The following ISM1 variants were observed in gnomAD, a reference collection of about 807,000 sequenced individuals.
ISM1 encodes isthmin 1, also known as isthmin-1.
A neutral mutation model predicts 46.3 loss-of-function variants in ISM1; 25 were observed. The ratio of observed to expected loss-of-function variants is 0.54; its 90% CI spans 0.39 to 0.75. The LOEUF is 0.75. ISM1 is among the 30% of genes least tolerant of loss of function. ISM1 has a pLI of 0.00. For synonymous variants in ISM1, 255 were observed against 256.7 expected (o/e 0.99, Z 0.06); for missense variants, 536 against 625.4 (o/e 0.86, Z 1.52).
chr20:13,304,405 T>C (rs2040483543), downstream of ISM1, among the ~76,000 whole-genome samples: 1 of 152,208 alleles, frequency 6.6e-6, no homozygotes, highest in African/African-American at 2.4e-5. Flanking sequence ...CATTGTACTA[T>C]AGTGCTAAGC....
At chr20:13,316,418 G>A in the ISM1 span, among the ~76,000 whole-genome samples, 1 of 151,854 alleles carries the variant, frequency 6.6e-6, no homozygotes, top group Non-Finnish European at 1.5e-5. Flanking sequence ...TAGAAGTAGA[G>A]GGAATTATTA....
intron 1 of ISM1, among the ~76,000 whole-genome samples, chr20:13,247,270 G>T (rs1369972951): frequency 6.6e-6 from 1 of 152,038 alleles, no homozygotes; most frequent in African/African-American, 2.4e-5. Context: ...ACAGAAAGAG[G>T]GCCTGGGTCT....
intron 1 of ISM1, among the ~76,000 whole-genome samples, chr20:13,235,008 A>C (rs1040029651): frequency 6.6e-6 from 1 of 152,220 alleles, no homozygotes; most frequent in Non-Finnish European, 1.5e-5. Flanking sequence ...TGCAAGTTGC[A>C]GGTCCCAGAA....
intron 1 of ISM1, among the ~76,000 whole-genome samples, chr20:13,270,032 A>G (rs542457517): frequency 1.3e-5 from 2 of 152,176 alleles, no homozygotes; most frequent in African/African-American, 4.8e-5. Flanking sequence ...GGATGAATGT[A>G]TGTAATGAAT....
At chr20:13,233,981 A>G (rs753065422) in intron 1 of ISM1, among the ~76,000 whole-genome samples, 17 of 152,154 alleles carry the variant, frequency 1.1e-4, no homozygotes, top group Non-Finnish European at 2.2e-4. Flanking sequence ...ATGTTTACTT[A>G]TATATATTTT....
At chr20:13,294,417 G>A (rs908963871) in intron 5 of ISM1, among the ~76,000 whole-genome samples, 3 of 152,198 alleles carry the variant, frequency 2.0e-5, no homozygotes, top group African/African-American at 4.8e-5. Flanking sequence ...TTGACATAAA[G>A]TGGTAGAACC....
chr20:13,261,974 C>T (rs1568675560), intron 1 of ISM1, among the ~76,000 whole-genome samples: 1 of 152,176 alleles, frequency 6.6e-6, no homozygotes, highest in African/African-American at 2.4e-5. Context: ...AGGAGATGTT[C>T]GCCTTCTGGT....
At chr20:13,238,750 C>G (rs1240632799) in intron 1 of ISM1, among the ~76,000 whole-genome samples, 2 of 152,146 alleles carry the variant, frequency 1.3e-5, no homozygotes, top group Admixed American at 6.5e-5. Context: ...TCAAAATGAC[C>G]AGCCTCCTGA....
chr20:13,247,033 A>C (rs1043212914), intron 1 of ISM1, among the ~76,000 whole-genome samples: 3 of 152,142 alleles, frequency 2.0e-5, no homozygotes, highest in African/African-American at 7.2e-5. Flanking sequence ...ATCAGGAGTT[A>C]GAGACCAGTC....
At chr20:13,320,922 A>G in the ISM1 span, among the ~76,000 whole-genome samples, 3 of 152,086 alleles carry the variant, frequency 2.0e-5, no homozygotes, top group African/African-American at 7.2e-5. Flanking sequence ...TTATTGGCAG[A>G]GCACAGTGGC....
chr20:13,238,179 T>C (rs2039674759), intron 1 of ISM1: 1 of 152,198 alleles, frequency 6.6e-6, no homozygotes, highest in Non-Finnish European at 1.5e-5. Context: ...TAAACATCAC[T>C]GTGGTTACAT....
downstream of ISM1, among the ~76,000 whole-genome samples, chr20:13,302,836 T>A (rs2040470395): frequency 6.6e-6 from 1 of 152,114 alleles, no homozygotes; most frequent in Non-Finnish European, 1.5e-5. Context: ...TGGCTGCACA[T>A]GGGAAGGGTA....
intron 1 of ISM1, among the ~76,000 whole-genome samples, chr20:13,262,485 T>G (rs2039999464): frequency 6.6e-6 from 1 of 151,082 alleles, no homozygotes; most frequent in Non-Finnish European, 1.5e-5. Flanking sequence ...TTGGCCTAAC[T>G]CACTTTCCAC....
chr20:13,283,296 G>A (rs75907296), intron 3 of ISM1, among the ~76,000 whole-genome samples: 3,750 of 152,216 alleles, frequency 0.025, 70 homozygotes, highest in Non-Finnish European at 0.036. Flanking sequence ...ATTTCACCCA[G>A]GAAGGAGAGG....
chr20:13,261,746 G>A (rs1294563663), intron 1 of ISM1, among the ~76,000 whole-genome samples: 1 of 152,136 alleles, frequency 6.6e-6, no homozygotes, highest in African/African-American at 2.4e-5. Context: ...TTCAATGAGG[G>A]TTCTTAACTT....
Position 13,299,152 on chromosome 20 carries a change from C to T in ISM1, c.1088C>T (p.Pro363Leu). The change falls in exon 6 of 6, where the codon CCC becomes CTC. Residue 363 changes from proline (P) to leucine (L), a missense_variant. Pro to Leu is a moderately conservative substitution (Grantham distance 98). Coordinates refer to ENST00000262487, the MANE Select transcript of ISM1 (RefSeq NM_080826.2). The surrounding 1 kb of genome is among the most constrained non-coding windows in gnomAD (Gnocchi z 5.8). ...AAGGAGAAGCTGGAGATCTACAAGC[C>T]CACTGCCCGGTACTGCATCCGCTCC... ...GPKEKLEIYK[P>L]TARYCIRSML... 1.2e-6 allele frequency: 2 copies of T among 1,611,896 alleles called. No homozygotes were observed. Among genetic ancestry groups the T allele is most frequent in the Non-Finnish European group, 1.7e-6 (2 of 1,179,124 alleles).
intron 1 of ISM1, among the ~76,000 whole-genome samples, chr20:13,232,294 T>C (rs1476381327): frequency 6.6e-6 from 1 of 152,228 alleles, no homozygotes; most frequent in Non-Finnish European, 1.5e-5. Context: ...AAAAGTTTCC[T>C]TGTGCTCCTC....
chr20:13,321,805 G>A, the ISM1 span, among the ~76,000 whole-genome samples: 1 of 152,158 alleles, frequency 6.6e-6, no homozygotes, highest in African/African-American at 2.4e-5. Context: ...TTTTACTAGG[G>A]AATGTCGAAG....
chr20:13,308,313 G>A, the ISM1 span, among the ~76,000 whole-genome samples: 10 of 152,178 alleles, frequency 6.6e-5, no homozygotes, highest in African/African-American at 2.2e-4. Flanking sequence ...GGGACCAAAT[G>A]AGGGTGTGAT....
Sources: gnomAD v4.1 joint callset for allele counts (sites outside exome capture counted in the v4.1 genomes callset) on GRCh38, gnomAD v4.1.1 for gene constraint, Gnocchi (gnomAD v3.1) non-coding constraint, MANE v1.5 for transcripts, NCBI Gene and HGNC (gene_info 2026-07-23, HGNC 2026-07-21) for gene names.